The following RYR2 variants were observed in gnomAD, a reference collection of about 807,000 sequenced individuals.
The protein encoded by RYR2 is ryanodine receptor 2.
A neutral mutation model predicts 601.1 loss-of-function variants in RYR2; 227 were observed. The ratio of observed to expected loss-of-function variants is 0.38; its 90% CI spans 0.34 to 0.42. The LOEUF (loss-of-function observed/expected upper bound fraction) is 0.42. RYR2 is among the 10% of genes least tolerant of loss of function. RYR2 has a pLI of 1.00. For synonymous variants in RYR2, 2,223 were observed against 2,175.1 expected (o/e 1.02, Z -0.61); for missense variants, 4,646 against 6,156.5 (o/e 0.75, Z 8.21).
intron 59 of RYR2, 137 bp downstream of exon 59, chr1:237,674,356 C>A: frequency 1.5e-6 from 1 of 678,316 alleles, no homozygotes; most frequent in Non-Finnish European, 2.5e-6. Flanking sequence ...GTTTAAAATA[C>A]ACACATCAGA....
Position 237,778,779 on chromosome 1 carries a change from ACTAACTGC to A in RYR2, c.11880+12_11880+19del, listed in dbSNP as rs763266499. ...AGATGAAGCTGTCGCAGGTAAACTA[ACTAACTGC>A]CTTCCTCTCTCTTAAATGACAAACT... On this transcript the variant is annotated intron_variant, in intron 88 of 104. Coordinates refer to ENST00000366574, the MANE Select transcript of RYR2 (RefSeq NM_001035.3). The A allele has an allele frequency of 7.0e-7, 1 of 1,420,498 alleles. No homozygotes were observed. Among genetic ancestry groups the A allele is most frequent in the Non-Finnish European group, 1.0e-6 (1 of 1,003,570 alleles). The allele number at this position is 1,420,498 out of a possible 1,614,324, so 88.0% of individuals were successfully genotyped here.
At chr1:237,054,965 G>C (rs1488930853) in intron 1 of RYR2, among the ~76,000 whole-genome samples, 1 of 152,104 alleles carries the variant, frequency 6.6e-6, no homozygotes, top group African/African-American at 2.4e-5. Flanking sequence ...TCTAGATGGT[G>C]CCGGGAGCAC....
intron 36 of RYR2, among the ~76,000 whole-genome samples, chr1:237,613,319 G>A (rs1344300954): frequency 6.6e-6 from 1 of 152,218 alleles, no homozygotes; most frequent in Non-Finnish European, 1.5e-5. Context: ...GCTCCCTGGG[G>A]GCAGGAATCA....
chr1:237,617,691 AG>A (rs1678623917), intron 38 of RYR2, among the ~76,000 whole-genome samples: 1 of 152,238 alleles, frequency 6.6e-6, no homozygotes, highest in Non-Finnish European at 1.5e-5. Context: ...AGAAGATATC[AG>A]GTATATCACC....
intron 2 of RYR2, among the ~76,000 whole-genome samples, chr1:237,321,791 G>A (rs1158971627): frequency 1.3e-5 from 2 of 152,102 alleles, no homozygotes; most frequent in Non-Finnish European, 2.9e-5. Context: ...TCTTTAGAGG[G>A]GATCTTCAGA....
At chr1:237,285,521 G>A (rs1438163734) in intron 2 of RYR2, among the ~76,000 whole-genome samples, 2 of 152,090 alleles carry the variant, frequency 1.3e-5, no homozygotes, top group East Asian at 3.9e-4. Context: ...TTTGGTATTA[G>A]GGTGATACTG....
At chr1:237,717,479 T>C in intron 72 of RYR2, 111 bp downstream of exon 72, 1 of 941,860 alleles carries the variant, frequency 1.1e-6, no homozygotes, top group South Asian at 2.5e-5. Context: ...ATTACATGTT[T>C]TATTAAGCAG....
In RYR2 at chr1:237,649,021, G is replaced by T. The variant is rs754303105; in HGVS notation, c.7512+408G>T. Among the ~76,000 whole-genome samples the T allele has an allele frequency of 2.7e-4, 41 of 152,218 alleles. 1 individual carries two copies. Among genetic ancestry groups the T allele is most frequent in the Middle Eastern group, 3.2e-3 (1 of 314 alleles). ...GAATTAAGATGATTTAATGGATATT[G>T]TTGAGTCAGTATCATCTTGGTATCT... is the stretch of plus-strand genomic sequence containing the variant. On this transcript the variant is annotated intron_variant, in intron 49 of 104. Transcript: ENST00000366574.
chr1:237,289,447 G>A (rs559566537), intron 2 of RYR2, among the ~76,000 whole-genome samples: 1 of 152,302 alleles, frequency 6.6e-6, no homozygotes, highest in East Asian at 1.9e-4. Flanking sequence ...GGAGGCCTCA[G>A]GAAACTTAGA....
chr1:237,432,575 T>C (rs963636289), intron 12 of RYR2, among the ~76,000 whole-genome samples: 4 of 152,156 alleles, frequency 2.6e-5, no homozygotes, highest in African/African-American at 9.7e-5. Context: ...TCTGCTCATG[T>C]CCTAACTTGA....
At chr1:237,339,522 G>C (rs1331646104) in intron 3 of RYR2, among the ~76,000 whole-genome samples, 1 of 151,900 alleles carries the variant, frequency 6.6e-6, no homozygotes, top group East Asian at 1.9e-4. Flanking sequence ...TAAAAGATTA[G>C]TATATAGCCA....
intron 14 of RYR2, among the ~76,000 whole-genome samples, chr1:237,451,579 T>TC (rs1204961609): frequency 2.0e-5 from 1 of 49,930 alleles, no homozygotes; most frequent in African/African-American, 7.4e-5. Context: ...AAACTCTGTC[T>TC]CAAAAAAAAA....
chr1:237,591,891 T>C, intron 32 of RYR2, 38 bp downstream of exon 32: 1 of 1,427,396 alleles, frequency 7.0e-7, no homozygotes, highest in Non-Finnish European at 9.8e-7. Flanking sequence ...TTTCTATCTG[T>C]CACTCATTAT....
intron 12 of RYR2, among the ~76,000 whole-genome samples, chr1:237,425,796 G>A (rs1000777507): frequency 1.3e-5 from 2 of 152,062 alleles, no homozygotes; most frequent in African/African-American, 2.4e-5. Context: ...AGAGATGAAG[G>A]AAAATGCATG....
intron 1 of RYR2, among the ~76,000 whole-genome samples, chr1:237,104,166 C>T (rs780114115): frequency 3.3e-5 from 5 of 152,116 alleles, no homozygotes; most frequent in African/African-American, 9.7e-5. Flanking sequence ...CTGGAGGGAG[C>T]GGCAGTAATT....
At chr1:237,345,567 G>A (rs1698234427) in intron 3 of RYR2, among the ~76,000 whole-genome samples, 2 of 151,810 alleles carry the variant, frequency 1.3e-5, no homozygotes, top group Admixed American at 6.6e-5. Flanking sequence ...ACATGAGCTG[G>A]AATTTATTTA....
intron 100 of RYR2, among the ~76,000 whole-genome samples, chr1:237,809,238 C>T (rs925323667): frequency 3.3e-5 from 5 of 152,200 alleles, no homozygotes; most frequent in African/African-American, 1.2e-4. Flanking sequence ...ATATGTGCTG[C>T]ACAGCCTAAT....
chr1:237,410,344 T>C (rs1704320240), intron 10 of RYR2, among the ~76,000 whole-genome samples: 1 of 152,214 alleles, frequency 6.6e-6, no homozygotes, highest in Non-Finnish European at 1.5e-5. Context: ...ATATGAATTC[T>C]AGATTTAGAA....
chr1:237,473,649 G>A (rs189357595), intron 17 of RYR2, among the ~76,000 whole-genome samples: 2 of 151,960 alleles, frequency 1.3e-5, no homozygotes, highest in South Asian at 2.1e-4. Context: ...AGGAAGGAGC[G>A]GGGCAGTCAA....
Sources: gnomAD v4.1 joint callset for allele counts (sites outside exome capture counted in the v4.1 genomes callset) on GRCh38, gnomAD v4.1.1 for gene constraint, MANE v1.5 for transcripts, NCBI Gene and HGNC (gene_info 2026-07-23, HGNC 2026-07-21) for gene names.